The following SLC7A5 variants were observed in gnomAD, a reference collection of about 807,000 sequenced individuals.
SLC7A5 encodes large neutral amino acids transporter small subunit 1.
SLC7A5 carries 23 observed loss-of-function variants against 50.2 expected under a neutral mutation model. That is an observed-to-expected ratio of 0.46 (90% confidence interval 0.33 to 0.65). The LOEUF is 0.65. Among genes scored for constraint, SLC7A5 ranks in the 30% least tolerant of loss-of-function variants. SLC7A5 has a pLI of 0.02. For missense variants in SLC7A5, 578 were observed against 684.4 expected (o/e 0.84, Z 1.73); for synonymous variants, 393 against 330.6 (o/e 1.19, Z -2.05).
chr16:87,835,025 C>T (rs760315876), intron 8 of SLC7A5, among the ~76,000 whole-genome samples: 1 of 152,266 alleles, frequency 6.6e-6, no homozygotes, highest in South Asian at 2.1e-4. Flanking sequence ...AAAGCCCATC[C>T]CTGAAGCTGC....
chr16:87,855,834 G>A (rs1298899334), intron 1 of SLC7A5, among the ~76,000 whole-genome samples: 1 of 152,142 alleles, frequency 6.6e-6, no homozygotes, highest in East Asian at 1.9e-4. Flanking sequence ...ACCCCACACG[G>A]ACTAATGCCT....
intron 1 of SLC7A5, among the ~76,000 whole-genome samples, chr16:87,868,221 G>C (rs1486196329): frequency 1.3e-5 from 2 of 152,122 alleles, no homozygotes; most frequent in Admixed American, 6.5e-5. Flanking sequence ...ACCAAAACAG[G>C]AGCCCCATGG....
intron 8 of SLC7A5, among the ~76,000 whole-genome samples, chr16:87,836,201 G>A (rs972859008): frequency 1.3e-5 from 2 of 152,196 alleles, no homozygotes; most frequent in Admixed American, 6.5e-5. Flanking sequence ...CGCCCCTGCC[G>A]GGGCTCACCA....
chr16:87,843,499 G>A (rs1032062169), intron 2 of SLC7A5, among the ~76,000 whole-genome samples: 5 of 151,954 alleles, frequency 3.3e-5, no homozygotes, highest in Admixed American at 6.6e-5. Context: ...GAGGGCTGCA[G>A]GAGGGACCTG....
chr16:87,834,764 A>T (rs1026980240), intron 8 of SLC7A5, 173 bp from the exon 9 acceptor site: 2 of 694,432 alleles, frequency 2.9e-6, no homozygotes, highest in African/African-American at 3.5e-5. Context: ...CCCGCCCTCG[A>T]CTCTGCATAC....
Position 87,841,055 on chromosome 16 carries a change from T to C in SLC7A5, c.765A>G (p.Gly255=). The change falls in exon 3 of 10, where the codon GGA becomes GGG. Residue 255 remains glycine (G), a synonymous_variant. Transcript: ENST00000261622. This position sits in a 1 kb window ranked among gnomAD's most constrained non-coding sequence, Gnocchi z 4.8. ...CCAGACATTCCAGAACCTACCATCC[T>C]CCATAGGCAAAGAGGCCGCTGTATA... The part of the protein sequence containing the change: ...LALYSGLFAY[G]GWNYLNFVTE... The C allele has an allele frequency of 2.5e-6, 4 of 1,610,832 alleles. No homozygotes were observed. The highest frequency in any genetic ancestry group is 3.4e-6 in the Non-Finnish European group (4 of 1,177,252).
intron 2 of SLC7A5, among the ~76,000 whole-genome samples, chr16:87,848,060 G>T (rs1007505433): frequency 1.3e-5 from 2 of 152,196 alleles, no homozygotes; most frequent in African/African-American, 4.8e-5. Flanking sequence ...CCCCTCCTGG[G>T]GTGAAGGACA....
intron 6 of SLC7A5, 84 bp downstream of exon 6, chr16:87,838,629 CA>C: frequency 9.3e-7 from 1 of 1,071,618 alleles, no homozygotes; most frequent in East Asian, 2.4e-5. Flanking sequence ...ATCACAGAGA[CA>C]AACCTTTTAC....
At position 87,841,180 on chromosome 16, in the gene SLC7A5, C is replaced by T. The variant is rs33936972; in HGVS notation, c.665-25G>A. 4.8e-4 allele frequency: 727 copies of T among 1,506,310 alleles called. No individual in the cohort carries two copies. Among genetic ancestry groups the T allele is most frequent in the Non-Finnish European group, 6.3e-4 (687 of 1,082,108 alleles). The allele number at this position is 1,506,310 out of a possible 1,614,324, so 93.3% of individuals were successfully genotyped here. On this transcript the variant is annotated intron_variant, in intron 2 of 9. Transcript: ENST00000261622. The surrounding 1 kb of genome is among the most constrained non-coding windows in gnomAD (Gnocchi z 4.8). The stretch of plus-strand genomic sequence containing the variant: ...CCTGGCAGGGCCAAAGAAAGGAATG[C>T]TGGGTTAGAGAGCGCTGAACAGAGG...
Position 87,860,600 on chromosome 16 carries a change from C to A in SLC7A5, c.538+8285G>T, listed in dbSNP as rs2055385456. ...CCCCCTGGGGCACATGTCCTCAGGG[C>A]CTCCAGGCCTTGGTCCTCACATTTG... On this transcript the variant is annotated intron_variant, in intron 1 of 9. Coordinates refer to ENST00000261622, the MANE Select transcript of SLC7A5 (RefSeq NM_003486.7). This position sits in a 1 kb window ranked among gnomAD's most constrained non-coding sequence, Gnocchi z 4.8. Among the ~76,000 whole-genome samples the A allele has an allele frequency of 6.6e-6, 1 of 152,132 alleles. No homozygotes were observed. Among genetic ancestry groups the A allele is most frequent in the Non-Finnish European group, 1.5e-5 (1 of 68,024 alleles).
At chr16:87,858,532 C>T (rs541363510) in intron 1 of SLC7A5, among the ~76,000 whole-genome samples, 1 of 152,296 alleles carries the variant, frequency 6.6e-6, no homozygotes, top group African/African-American at 2.4e-5. Flanking sequence ...ACACTTGTGG[C>T]AGCCAATCCA....
chr16:87,865,535 C>T lies in SLC7A5; in HGVS notation c.538+3350G>A, dbSNP rs558792468. On this transcript the variant is annotated intron_variant, in intron 1 of 9. Transcript: ENST00000261622. ...ACAAGCCTGGCCAACATGGTGAAGC[C>T]CCGTCTCTGCTAAAAATACAAAAAA... Among the ~76,000 whole-genome samples, 165 of 151,918 alleles carry T rather than the reference C, an allele frequency of 1.1e-3. 1 individual carries two copies. The highest frequency in any genetic ancestry group is 3.6e-3 in the African/African-American group (150 of 41,398).
chr16:87,839,206 C>T (rs2055052363), intron 5 of SLC7A5, among the ~76,000 whole-genome samples: 1 of 152,234 alleles, frequency 6.6e-6, no homozygotes, highest in Non-Finnish European at 1.5e-5. Context: ...CACCCACTCC[C>T]TGTTCCCCCA....
chr16:87,859,855 C>T (rs1399144463), intron 1 of SLC7A5, among the ~76,000 whole-genome samples: 6 of 152,128 alleles, frequency 3.9e-5, no homozygotes, highest in African/African-American at 1.4e-4. Flanking sequence ...GCAGGAGAAT[C>T]GCTTGAACCG....
chr16:87,832,902 G>C lies in SLC7A5; in HGVS notation c.*68C>G. ...TGTGGGTTGCGGGGAACCGGAGTGG[G>C]TTCGAGGAGGTGATCTACTTTAACT... On this transcript the variant is annotated 3_prime_UTR_variant, in exon 10 of 10. Transcript: ENST00000261622. This position sits in a 1 kb window ranked among gnomAD's most constrained non-coding sequence, Gnocchi z 4.6. The C allele has an allele frequency of 7.6e-7, 1 of 1,321,410 alleles. No individual in the cohort carries two copies. Among genetic ancestry groups the C allele is most frequent in the Non-Finnish European group, 1.1e-6 (1 of 914,476 alleles). 81.9% of individuals were successfully genotyped at this position (1,321,410 alleles called of 1,614,324 possible).
At chr16:87,859,868 T>A (rs1304179148) in intron 1 of SLC7A5, among the ~76,000 whole-genome samples, 1 of 151,816 alleles carries the variant, frequency 6.6e-6, no homozygotes. Flanking sequence ...TTGAACCGGG[T>A]TGCAGTGAGC....
In SLC7A5 at chr16:87,841,220, C is replaced by A; in HGVS notation, c.665-65G>T. 1 of 1,101,206 alleles carries A rather than the reference C, an allele frequency of 9.1e-7. No individual in the cohort carries two copies. The highest frequency in any genetic ancestry group is 1.2e-5 in the South Asian group (1 of 80,254). 68.2% of individuals were successfully genotyped at this position (1,101,206 alleles called of 1,614,324 possible). On this transcript the variant is annotated intron_variant, in intron 2 of 9. Transcript: ENST00000261622. The surrounding 1 kb of genome is among the most constrained non-coding windows in gnomAD (Gnocchi z 4.8). ...CTGAACAGAGGTCATGCTACCAGTT[C>A]TAGAATGTTCCTGGAGCAAAATACA... is the stretch of plus-strand genomic sequence containing the variant.
intron 7 of SLC7A5, 70 bp from the exon 8 acceptor site, chr16:87,836,717 C>T (rs1337343610): frequency 1.3e-6 from 2 of 1,557,866 alleles, no homozygotes; most frequent in Non-Finnish European, 1.8e-6. Flanking sequence ...GTGGTGGCCA[C>T]CGGGGACTGT....
intron 1 of SLC7A5, among the ~76,000 whole-genome samples, chr16:87,868,134 G>GAA (rs796102483): frequency 1.1e-4 from 11 of 103,182 alleles, no homozygotes; most frequent in African/African-American, 3.5e-4. Context: ...AAAAAAAAAA[G>GAA]AAAGAAAAAG....
Sources: gnomAD v4.1 joint callset for allele counts (sites outside exome capture counted in the v4.1 genomes callset) on GRCh38, gnomAD v4.1.1 for gene constraint, Gnocchi (gnomAD v3.1) non-coding constraint, MANE v1.5 for transcripts, NCBI Gene and HGNC (gene_info 2026-07-23, HGNC 2026-07-21) for gene names.